ROR2: variants seen among roughly 807,000 people sequenced by gnomAD.
The protein encoded by ROR2 is tyrosine-protein kinase transmembrane receptor ROR2.
In ROR2, 33 loss-of-function variants were observed where a neutral mutation model predicts 74.9. The observed-to-expected ratio is 0.44, with a 90% CI of 0.33 to 0.59. The LOEUF (loss-of-function observed/expected upper bound fraction) is 0.59, where lower values mean the gene tolerates loss of function less well. Among genes scored for constraint, ROR2 ranks in the 20% least tolerant of loss-of-function variants. The pLI, the probability that ROR2 is intolerant of heterozygous loss-of-function variation, is 0.02. For missense variants in ROR2, 1,216 were observed against 1,313.8 expected (o/e 0.93, Z 1.15); for synonymous variants, 586 against 558.7 (o/e 1.05, Z -0.69).
At chr9:91,876,764 G>A (rs1829965726) in intron 1 of ROR2, among the ~76,000 whole-genome samples, 1 of 152,026 alleles carries the variant, frequency 6.6e-6, no homozygotes, top group Non-Finnish European at 1.5e-5. Flanking sequence ...AACATTAAAA[G>A]GAAAATTCAA....
intron 1 of ROR2, among the ~76,000 whole-genome samples, chr9:91,786,088 C>A (rs1826787741): frequency 1.4e-5 from 2 of 142,552 alleles, no homozygotes; most frequent in South Asian, 2.3e-4. Flanking sequence ...AACCCCAGCA[C>A]TTAGGGAGGA....
chr9:91,795,272 C>T (rs1413199924), intron 1 of ROR2, among the ~76,000 whole-genome samples: 1 of 152,158 alleles, frequency 6.6e-6, no homozygotes, highest in Non-Finnish European at 1.5e-5. Flanking sequence ...ATCTTCCATC[C>T]ACCGTCTTTA....
chr9:91,891,457 C>T (rs917858178), intron 1 of ROR2, among the ~76,000 whole-genome samples: 24 of 152,000 alleles, frequency 1.6e-4, no homozygotes, highest in East Asian at 1.9e-4. Context: ...TTAGTAGAGA[C>T]GGGGTTTCAC....
chr9:91,776,779 T>A (rs748524982), intron 1 of ROR2, among the ~76,000 whole-genome samples: 59 of 152,204 alleles, frequency 3.9e-4, no homozygotes, highest in Non-Finnish European at 7.6e-4. Context: ...TGTTTAAATG[T>A]AGAGAGACCA....
intron 1 of ROR2, among the ~76,000 whole-genome samples, chr9:91,932,703 G>T (rs1222281324): frequency 2.0e-5 from 3 of 151,996 alleles, no homozygotes; most frequent in Non-Finnish European, 4.4e-5. Flanking sequence ...AGAAATAGTT[G>T]TAGAAACCAG....
intron 1 of ROR2, among the ~76,000 whole-genome samples, chr9:91,812,735 T>C (rs1433721073): frequency 1.3e-5 from 2 of 151,946 alleles, no homozygotes; most frequent in South Asian, 2.1e-4. Context: ...TAAAGAAAAA[T>C]AGTTAATTTT....
At chr9:91,897,766 A>G (rs552825507) in intron 1 of ROR2, among the ~76,000 whole-genome samples, 19 of 152,302 alleles carry the variant, frequency 1.2e-4, no homozygotes, top group Middle Eastern at 3.4e-3. Context: ...CTCAAGAGAA[A>G]TAAGTGGGAT....
At chr9:91,943,926 G>A (rs1370532413) in intron 1 of ROR2, among the ~76,000 whole-genome samples, 1 of 152,108 alleles carries the variant, frequency 6.6e-6, no homozygotes, top group East Asian at 1.9e-4. Flanking sequence ...TATACGACAA[G>A]CCCAGCAAAC....
chr9:91,764,914 T>G (rs1418346910), intron 2 of ROR2, among the ~76,000 whole-genome samples: 2 of 152,232 alleles, frequency 1.3e-5, no homozygotes, highest in African/African-American at 2.4e-5. Flanking sequence ...AGTCCTGCAG[T>G]TCTTGTTCCC....
intron 1 of ROR2, among the ~76,000 whole-genome samples, chr9:91,806,964 A>C (rs1334352233): frequency 6.6e-6 from 1 of 152,194 alleles, no homozygotes; most frequent in Admixed American, 6.5e-5. Context: ...AGGCTTCAGA[A>C]GCAGACTTGG....
intron 1 of ROR2, among the ~76,000 whole-genome samples, chr9:91,926,107 C>T (rs1039778353): frequency 6.6e-6 from 1 of 151,758 alleles, no homozygotes; most frequent in Non-Finnish European, 1.5e-5. Flanking sequence ...TTAGGCCAGG[C>T]GCGGTGGCTC....
intron 1 of ROR2, among the ~76,000 whole-genome samples, chr9:91,815,876 C>T (rs1364893975): frequency 6.6e-6 from 1 of 152,168 alleles, no homozygotes; most frequent in Non-Finnish European, 1.5e-5. Context: ...CATCAGCGCC[C>T]GTGGAAGGGG....
chr9:91,881,730 G>A (rs1225209681), intron 1 of ROR2, among the ~76,000 whole-genome samples: 2 of 152,186 alleles, frequency 1.3e-5, no homozygotes, highest in Non-Finnish European at 2.9e-5. Flanking sequence ...ATTAGCGAAG[G>A]TGATTAGCAA....
chr9:91,913,392 T>C (rs1040826716), intron 1 of ROR2, among the ~76,000 whole-genome samples: 4 of 152,222 alleles, frequency 2.6e-5, no homozygotes, highest in Admixed American at 2.0e-4. Flanking sequence ...TTTCTCTCTT[T>C]GTTCCAGAGA....
chr9:91,810,580 C>T (rs1288394729), intron 1 of ROR2, among the ~76,000 whole-genome samples: 1 of 152,176 alleles, frequency 6.6e-6, no homozygotes, highest in Non-Finnish European at 1.5e-5. Flanking sequence ...TGTTCTTTAC[C>T]GTTAGCGGCA....
chr9:91,870,210 C>T (rs1021212396), intron 1 of ROR2, among the ~76,000 whole-genome samples: 1 of 152,104 alleles, frequency 6.6e-6, no homozygotes, highest in African/African-American at 2.4e-5. Context: ...TTTGCTGACC[C>T]CCAATCTAAG....
intron 1 of ROR2, among the ~76,000 whole-genome samples, chr9:91,949,406 GCCCTGGGGGT>G (rs1183921879): frequency 6.6e-6 from 1 of 151,878 alleles, no homozygotes; most frequent in Non-Finnish European, 1.5e-5. Context: ...GCATCAGGCC[GCCCTGGGGGT>G]GGGGGGACGC....
intron 1 of ROR2, among the ~76,000 whole-genome samples, chr9:91,782,275 G>T (rs1826643816): frequency 6.6e-6 from 1 of 152,288 alleles, no homozygotes; most frequent in East Asian, 1.9e-4. Flanking sequence ...CAGGTTTATT[G>T]TATCTTTTCA....
intron 4 of ROR2, among the ~76,000 whole-genome samples, chr9:91,752,889 A>G (rs1055407465): frequency 6.6e-6 from 1 of 152,244 alleles, no homozygotes; most frequent in African/African-American, 2.4e-5. Flanking sequence ...GGATGGAACG[A>G]TAAGTGATAA....
Sources: allele counts gnomAD v4.1 joint callset (sites outside exome capture counted in the v4.1 genomes callset), GRCh38; gene constraint gnomAD v4.1.1; transcripts MANE v1.5; gene names NCBI Gene and HGNC (gene_info 2026-07-23, HGNC 2026-07-21).